Variants in ANKRD36 observed in about 807,000 individuals in gnomAD.
The protein encoded by ANKRD36 is ankyrin repeat domain-containing protein 36A.
Under a neutral mutation model 278.1 loss-of-function variants are expected in ANKRD36, and 179 were observed. The observed-to-expected ratio is 0.64, with a 90% CI of 0.57 to 0.73. The LOEUF (loss-of-function observed/expected upper bound fraction) is 0.73. Ranked by LOEUF, ANKRD36 falls within the 30% of genes least tolerant of loss-of-function variation. The pLI, the probability that ANKRD36 is intolerant of heterozygous loss-of-function variation, is 0.00. For synonymous variants in ANKRD36, 320 were observed against 641.1 expected, an observed-to-expected ratio of 0.50 and a Z score of 7.57; for missense variants, 1,159 against 1,956.7, an observed-to-expected ratio of 0.59 and a Z score of 7.69.
chr2:97,205,792 T>G (rs893051344), intron 50 of ANKRD36, 148 bp from the exon 51 acceptor site: 58 of 1,197,456 alleles, frequency 4.8e-5, no homozygotes, highest in Admixed American at 8.4e-5. Flanking sequence ...TTTGTGTCAT[T>G]TTCTAGTCCC....
chr2:97,194,615 C>G, intron 38 of ANKRD36, 111 bp from the exon 39 acceptor site: 2 of 1,567,776 alleles, frequency 1.3e-6, no homozygotes, highest in Non-Finnish European at 1.7e-6. Flanking sequence ...GCCATCAAAG[C>G]GTACACTAAT....
intron 75 of ANKRD36, among the ~76,000 whole-genome samples, chr2:97,255,034 TATTA>T (rs1213998769): frequency 1.3e-5 from 1 of 78,210 alleles, no homozygotes; most frequent in Non-Finnish European, 2.1e-5. Context: ...ATTTTCACAA[TATTA>T]ATTCATCCCA....
At position 97,198,445 on chromosome 2, in the gene ANKRD36, A is replaced by G. The variant is rs1181000686; in HGVS notation, c.2654-18A>G. The G allele has an allele frequency of 5.1e-6, 8 of 1,574,910 alleles. No homozygotes were observed. The highest frequency in any genetic ancestry group is 6.9e-6 in the Non-Finnish European group (8 of 1,162,526). ...CGTTTTTACATATGAGTGATTATGA[A>G]TCCCTTTTACTTTTCAGTGTCTTCT... On this transcript the variant is annotated intron_variant, in intron 42 of 75. Transcript: ENST00000420699.
At chr2:97,136,975 AG>A (rs1337043481) in intron 6 of ANKRD36, among the ~76,000 whole-genome samples, 1 of 152,104 alleles carries the variant, frequency 6.6e-6, no homozygotes, top group Non-Finnish European at 1.5e-5. Flanking sequence ...GAAAGGAAAA[AG>A]GGTTCTTAAT....
chr2:97,124,958 A>G (rs1456141380), intron 5 of ANKRD36, among the ~76,000 whole-genome samples: 1 of 151,876 alleles, frequency 6.6e-6, no homozygotes, highest in African/African-American at 2.4e-5. Flanking sequence ...TTGGGTCTCA[A>G]AATGTCCAGT....
chr2:97,115,673 A>G (rs2035111566), intron 1 of ANKRD36, among the ~76,000 whole-genome samples: 1 of 150,088 alleles, frequency 6.7e-6, no homozygotes, highest in Non-Finnish European at 1.5e-5. Context: ...TGTGAGGGTA[A>G]AGGGTAGCAG....
Position 97,204,088 on chromosome 2 carries a change from G to A in ANKRD36, c.2980G>A (p.Gly994Ser), listed in dbSNP as rs1312728205. The change falls in exon 49 of 76, where the codon GGC becomes AGC. Residue 994 changes from glycine (G) to serine (S), a missense_variant. By Grantham distance (56) the Gly-to-Ser change is moderately conservative. Coordinates refer to ENST00000420699, the MANE Select transcript of ANKRD36 (RefSeq NM_001354587.1). ...SRTVSSEKPP[G>S]LKATSDEKDS... ...TTCAGTGTCTTCTGAGAAACCACCAGGCTTGAAGGTAATGAAACTGTCGTT... is the reference window on the plus strand; with the variant it reads ...TTCAGTGTCTTCTGAGAAACCACCAAGCTTGAAGGTAATGAAACTGTCGTT... The A allele has an allele frequency of 1.9e-6, 3 of 1,575,616 alleles. No individual in the cohort carries two copies. Among genetic ancestry groups the A allele is most frequent in the East Asian group, 2.4e-5 (1 of 42,506 alleles).
chr2:97,204,335 A>T (rs13393893), intron 50 of ANKRD36, 72 bp downstream of exon 50: 156,573 of 1,448,338 alleles, frequency 0.11, 11,985 homozygotes, highest in African/African-American at 0.38. Flanking sequence ...TGAATAAATC[A>T]GCGGGGGGCT....
At chr2:97,185,410 T>G (rs1180629056) in intron 29 of ANKRD36, 28 bp from the exon 30 acceptor site, 14 of 1,607,848 alleles carry the variant, frequency 8.7e-6, no homozygotes, top group African/African-American at 2.7e-5. Context: ...ACTTTCTTTA[T>G]TGATAATTTG....
At chr2:97,147,633 G>A (rs2153458592) in intron 11 of ANKRD36, among the ~76,000 whole-genome samples, 1 of 151,988 alleles carries the variant, frequency 6.6e-6, no homozygotes. Flanking sequence ...ACATCATTCT[G>A]TCATTGAGTG....
chr2:97,166,917 G>C (rs974999693), intron 20 of ANKRD36, among the ~76,000 whole-genome samples: 3 of 152,280 alleles, frequency 2.0e-5, no homozygotes, highest in African/African-American at 7.2e-5. Context: ...GGGTACATGT[G>C]CACAATGTGC....
intron 36 of ANKRD36, among the ~76,000 whole-genome samples, chr2:97,191,666 A>T (rs184513080): frequency 1.3e-5 from 2 of 151,798 alleles, no homozygotes; most frequent in Admixed American, 1.3e-4. Context: ...GTGGGAAAAG[A>T]GGAAGTCATT....
intron 36 of ANKRD36, 103 bp downstream of exon 36, chr2:97,191,284 C>G (rs2058462373): frequency 7.9e-7 from 1 of 1,269,508 alleles, no homozygotes; most frequent in Non-Finnish European, 1.1e-6. Context: ...TGCACATTAT[C>G]ATTCAGCTGT....
In ANKRD36 at chr2:97,204,145, G is replaced by A. The variant is rs748694345; in HGVS notation, c.2989-46G>A. On this transcript the variant is annotated intron_variant, in intron 49 of 75. Transcript: ENST00000420699. ...GTGAACTAGTAAATGTATAGTCTAC[G>A]AAACATACTTTATTAATTTATTATT... is the stretch of plus-strand genomic sequence containing the variant. 5.7e-5 allele frequency: 89 copies of A among 1,571,090 alleles called. 1 individual carries two copies. The highest frequency in any genetic ancestry group is 6.9e-5 in the Non-Finnish European group (80 of 1,161,064).
At chr2:97,162,327 T>A (rs369714584) in intron 18 of ANKRD36, among the ~76,000 whole-genome samples, 189 bp downstream of exon 18, 1,634 of 99,546 alleles carry the variant, frequency 0.016, no homozygotes, top group African/African-American at 0.035. Flanking sequence ...ATTAAATTAA[T>A]TGTTAAATTA....
intron 15 of ANKRD36, among the ~76,000 whole-genome samples, chr2:97,156,585 G>A (rs1234726430): frequency 1.5e-4 from 21 of 135,998 alleles, no homozygotes; most frequent in Admixed American, 8.2e-4. Flanking sequence ...ATTCCATGGT[G>A]TATATGTGCC....
chr2:97,126,187 A>T (rs1164550663), intron 5 of ANKRD36, among the ~76,000 whole-genome samples: 2 of 135,484 alleles, frequency 1.5e-5, no homozygotes, highest in Admixed American at 7.9e-5. Flanking sequence ...GAAAATGTCA[A>T]CTTGCATCTA....
intron 30 of ANKRD36, among the ~76,000 whole-genome samples, 163 bp from the exon 31 acceptor site, chr2:97,187,035 A>G (rs1243121017): frequency 6.6e-6 from 1 of 151,894 alleles, no homozygotes; most frequent in Non-Finnish European, 1.5e-5. Context: ...TGTTTTCTTT[A>G]GTATATTTGT....
intron 64 of ANKRD36, among the ~76,000 whole-genome samples, 183 bp downstream of exon 64, chr2:97,217,555 G>A (rs2066279922): frequency 6.6e-6 from 1 of 152,078 alleles, no homozygotes; most frequent in Non-Finnish European, 1.5e-5. Context: ...CATGATCTTA[G>A]TAACAAGCTT....
Sources: gnomAD v4.1 joint callset for allele counts (sites outside exome capture counted in the v4.1 genomes callset) on GRCh38, gnomAD v4.1.1 for gene constraint, MANE v1.5 for transcripts, NCBI Gene and HGNC (gene_info 2026-07-23, HGNC 2026-07-21) for gene names.